Variants in ABCC1 observed in about 807,000 individuals in gnomAD.
ABCC1 encodes the protein ATP binding cassette subfamily C member 1 (ABCC1 blood group).
ABCC1 carries 83 observed loss-of-function variants against 172.9 expected under a neutral mutation model. The observed-to-expected ratio is 0.48, with a 90% confidence interval of 0.40 to 0.58. ABCC1 has a LOEUF of 0.58. ABCC1 is among the 20% of genes least tolerant of loss of function. The pLI is 0.00. For synonymous variants in ABCC1, 937 were observed against 825.2 expected, an observed-to-expected ratio of 1.14 and a Z score of -2.32; for missense variants, 1,817 against 2,002.7, an observed-to-expected ratio of 0.91 and a Z score of 1.77.
chr16:16,078,606 C>T (rs1567379228), intron 15 of ABCC1, among the ~76,000 whole-genome samples: 1 of 152,154 alleles, frequency 6.6e-6, no homozygotes, highest in Non-Finnish European at 1.5e-5. Context: ...GTGCCTTCAC[C>T]CCTTTACACC....
At chr16:16,060,545 C>CT (rs1443676491) in intron 12 of ABCC1, among the ~76,000 whole-genome samples, 4 of 151,984 alleles carry the variant, frequency 2.6e-5, no homozygotes, top group Non-Finnish European at 5.9e-5. Flanking sequence ...TTTTTTGGGA[C>CT]TGAGTCTCAC....
At chr16:16,138,832 C>T (rs1263296098) in intron 30 of ABCC1, among the ~76,000 whole-genome samples, 1 of 151,672 alleles carries the variant, frequency 6.6e-6, no homozygotes, top group South Asian at 2.1e-4. Flanking sequence ...GCCTCAGACT[C>T]CCGAATAGCT....
At chr16:16,000,465 T>C (rs1264090484) in intron 1 of ABCC1, among the ~76,000 whole-genome samples, 15 of 152,088 alleles carry the variant, frequency 9.9e-5, no homozygotes, top group Non-Finnish European at 4.4e-5. Context: ...TTTTTACTTA[T>C]CAGGAGACTG....
At position 16,131,839 on chromosome 16, in the gene ABCC1, G is replaced by T. The variant is rs978483390; in HGVS notation, c.3870G>T (p.Val1290=). The stretch of plus-strand genomic sequence containing the variant: ...CTCCGCCCAGCAGCTGGCCCCAGGT[G>T]GGCCGAGTGGAATTCCGGAACTACT... The part of the protein sequence containing the change: ...ETAPPSSWPQ[V]GRVEFRNYCL... Residue 1290 remains valine (V), a synonymous_variant, in exon 27 of 31, where the codon GTG becomes GTT. Transcript: ENST00000399410. 6.2e-7 allele frequency: 1 copy of T among 1,614,188 alleles called. No homozygotes were observed. Among genetic ancestry groups the T allele is most frequent in the Non-Finnish European group, 8.5e-7 (1 of 1,180,030 alleles).
At chr16:15,987,430 T>G (rs1351409047) in intron 1 of ABCC1, among the ~76,000 whole-genome samples, 1 of 152,110 alleles carries the variant, frequency 6.6e-6, no homozygotes, top group African/African-American at 2.4e-5. Flanking sequence ...CAGGGAGGGA[T>G]TCTGTTCAAA....
chr16:15,986,261 T>C (rs1325444216), intron 1 of ABCC1, among the ~76,000 whole-genome samples: 2 of 152,122 alleles, frequency 1.3e-5, no homozygotes, highest in South Asian at 2.1e-4. Context: ...GACTCAGATA[T>C]TCCCACCGTC....
intron 5 of ABCC1, among the ~76,000 whole-genome samples, chr16:16,024,364 T>C (rs2048299265): frequency 1.3e-5 from 2 of 152,160 alleles, no homozygotes; most frequent in African/African-American, 4.8e-5. Flanking sequence ...TTTGTTTGTT[T>C]GTTTTGAGAT....
At chr16:16,134,779 G>A (rs1291570079) in intron 28 of ABCC1, among the ~76,000 whole-genome samples, 2 of 152,070 alleles carry the variant, frequency 1.3e-5, no homozygotes, top group African/African-American at 4.8e-5. Context: ...TGGGACTACA[G>A]GCACATGCCA....
intron 1 of ABCC1, among the ~76,000 whole-genome samples, chr16:15,965,961 A>T (rs2046233213): frequency 6.6e-6 from 1 of 152,122 alleles, no homozygotes; most frequent in Non-Finnish European, 1.5e-5. Context: ...TTATTTCCTT[A>T]GATGATGTTC....
In ABCC1 at chr16:16,141,522, C is replaced by T. The variant is rs1478222924; in HGVS notation, c.*241C>T. 9.7e-6 allele frequency: 5 copies of T among 512,852 alleles called. No individual in the cohort carries two copies. In the East Asian group the frequency reaches 1.6e-4, roughly 17 times the overall value. 31.8% of individuals were successfully genotyped at this position (512,852 alleles called of 1,614,324 possible). A position where few individuals can be genotyped will look rare whatever the true frequency, so the allele number is the denominator to read the frequency against. On this transcript the variant is annotated 3_prime_UTR_variant, in exon 31 of 31. Transcript: ENST00000399410. ...CACCCAAAACACGCACACCCTGCCC[C>T]TGGTGCCCTGAGACAGACACACAGC...
intron 9 of ABCC1, among the ~76,000 whole-genome samples, chr16:16,047,633 A>C (rs372472538): frequency 1.3e-5 from 2 of 152,070 alleles, no homozygotes; most frequent in African/African-American, 4.8e-5. Flanking sequence ...AAACTCCTAC[A>C]GTGCGCAGGA....
chr16:16,051,309 T>C (rs545626794), intron 10 of ABCC1, among the ~76,000 whole-genome samples: 18 of 152,150 alleles, frequency 1.2e-4, no homozygotes, highest in Non-Finnish European at 2.2e-4. Flanking sequence ...AGCTGGGGAC[T>C]ACAGGTGCAC....
Position 16,090,567 on chromosome 16 carries a change from G to C in ABCC1, c.2623G>C (p.Glu875Gln), listed in dbSNP as rs772753662. 6.2e-7 allele frequency: 1 copy of C among 1,608,178 alleles called. No homozygotes were observed. The highest frequency in any genetic ancestry group is 2.2e-5 in the East Asian group (1 of 44,712). ...FLRTYASTEQEQDAEENGVTG... is the reference protein window; with the variant it reads ...FLRTYASTEQQQDAEENGVTG... Reference sequence around the variant, plus strand: ...GCGTACCTATGCCAGCACAGAGCAGGAGCAGGATGCAGAGGAGAACGGTAG... The same window carrying C: ...GCGTACCTATGCCAGCACAGAGCAGCAGCAGGATGCAGAGGAGAACGGTAG... The change falls in exon 19 of 31, where the codon GAG becomes CAG. Residue 875 changes from glutamate to glutamine, a missense_variant. Glu to Gln is a conservative substitution (Grantham distance 29). This residue lies in a region of ABCC1 where 1,412 missense variants were observed against 1,600.3 expected (regional missense o/e 0.88). Coordinates refer to ENST00000399410, the MANE Select transcript of ABCC1 (RefSeq NM_004996.4).
intron 5 of ABCC1, among the ~76,000 whole-genome samples, chr16:16,032,610 A>C (rs1406068649): frequency 1.3e-5 from 2 of 152,236 alleles, no homozygotes; most frequent in South Asian, 4.1e-4. Flanking sequence ...CAAGTATATA[A>C]GCTCTTGGTA....
intron 23 of ABCC1, among the ~76,000 whole-genome samples, chr16:16,120,439 C>T (rs1287592971): frequency 6.6e-6 from 1 of 152,190 alleles, no homozygotes; most frequent in Non-Finnish European, 1.5e-5. Flanking sequence ...TGTTCTGAAT[C>T]TAACAAGACT....
intron 24 of ABCC1, 115 bp downstream of exon 24, chr16:16,122,289 G>C (rs768283135): frequency 8.6e-7 from 1 of 1,169,002 alleles, no homozygotes; most frequent in Non-Finnish European, 1.2e-6. Flanking sequence ...CCCCGGCCTT[G>C]CAGAAAGGAT....
At chr16:16,075,142 A>C (rs1489483120) in intron 14 of ABCC1, among the ~76,000 whole-genome samples, 1 of 151,684 alleles carries the variant, frequency 6.6e-6, no homozygotes, top group Non-Finnish European at 1.5e-5. Flanking sequence ...ATGGGGTTTC[A>C]CCACGTTGGC....
chr16:16,074,204 A>T (rs2050465870), intron 14 of ABCC1, among the ~76,000 whole-genome samples: 1 of 152,178 alleles, frequency 6.6e-6, no homozygotes, highest in African/African-American at 2.4e-5. Flanking sequence ...TAGATACAGT[A>T]GTATCCATCC....
chr16:15,994,462 T>C (rs898256412), intron 1 of ABCC1, among the ~76,000 whole-genome samples: 2 of 152,190 alleles, frequency 1.3e-5, no homozygotes, highest in African/African-American at 4.8e-5. Context: ...TGGACTGTGC[T>C]TGGGAAGCAC....
Sources: gnomAD v4.1 joint callset for allele counts (sites outside exome capture counted in the v4.1 genomes callset) on GRCh38, gnomAD v4.1.1 for gene constraint, gnomAD v4.1.1 regional missense constraint, MANE v1.5 for transcripts, NCBI Gene and HGNC (gene_info 2026-07-23, HGNC 2026-07-21) for gene names.